Variants in WWC1 observed in about 807,000 individuals in gnomAD.
WWC1 encodes the protein WW and C2 domain containing 1.
Under a neutral mutation model 138.4 loss-of-function variants are expected in WWC1, and 55 were observed. The ratio of observed to expected loss-of-function variants is 0.40; its 90% CI spans 0.32 to 0.50. The LOEUF (loss-of-function observed/expected upper bound fraction) is 0.50. Ranked by LOEUF, WWC1 falls within the 20% of genes least tolerant of loss-of-function variation. The probability of loss-of-function intolerance (pLI) is 0.72; values close to 1 mark genes in which losing one functional copy is unlikely to be tolerated. For missense variants in WWC1, 1,226 were observed against 1,420.4 expected (o/e 0.86, Z 2.20); for synonymous variants, 524 against 564.9 (o/e 0.93, Z 1.03).
At chr5:168,314,444 G>A (rs1022392069) in intron 1 of WWC1, among the ~76,000 whole-genome samples, 9 of 152,088 alleles carry the variant, frequency 5.9e-5, no homozygotes, top group African/African-American at 2.2e-4. Flanking sequence ...GTGCACACCT[G>A]TAATCCCAGC....
chr5:168,465,884 G>A (rs2152896521), intron 21 of WWC1, among the ~76,000 whole-genome samples: 1 of 152,272 alleles, frequency 6.6e-6, no homozygotes, highest in Non-Finnish European at 1.5e-5. Context: ...AGGTTTGCAT[G>A]CAGGGGAAGT....
intron 2 of WWC1, among the ~76,000 whole-genome samples, chr5:168,382,800 T>C (rs1252419313): frequency 6.6e-6 from 1 of 152,356 alleles, no homozygotes; most frequent in East Asian, 1.9e-4. Flanking sequence ...GTAGCCACTG[T>C]AAGCAGTCTT....
In WWC1 at chr5:168,397,753, T is replaced by A; in HGVS notation, c.463T>A (p.Tyr155Asn). Reference sequence around the variant, plus strand: ...CTCTGGTTCATCATCCAGCTCCAAGTATGACCCTGAGATCCTGAAAGCTGA... The same window carrying A: ...CTCTGGTTCATCATCCAGCTCCAAGAATGACCCTGAGATCCTGAAAGCTGA... ...LVSGSSSSSK[Y>N]DPEILKAEIA... Residue 155 changes from tyrosine (Y) to asparagine (N), a missense_variant, in exon 4 of 23, where the codon TAT becomes AAT. Physicochemically the swap from Tyr to Asn is moderately radical, Grantham distance 143. This residue lies in a region of WWC1 where 1,016 missense variants were observed against 1,153.9 expected (regional missense o/e 0.88). Transcript: ENST00000265293. 3 of 1,614,080 alleles carry A rather than the reference T, an allele frequency of 1.9e-6. No homozygotes were observed. The highest frequency in any genetic ancestry group is 2.5e-6 in the Non-Finnish European group (3 of 1,179,952).
chr5:168,364,185 CA>C (rs1379415545), intron 1 of WWC1, among the ~76,000 whole-genome samples: 1 of 152,060 alleles, frequency 6.6e-6, no homozygotes, highest in Non-Finnish European at 1.5e-5. Flanking sequence ...TTACATAACC[CA>C]CCTACAGTTC....
chr5:168,372,022 C>CGAGA (rs10602598), intron 2 of WWC1, among the ~76,000 whole-genome samples: 37 of 145,804 alleles, frequency 2.5e-4, no homozygotes, highest in African/African-American at 8.7e-4. Flanking sequence ...AGTGAATTGG[C>CGAGA]GAGAGAGAGA....
intron 15 of WWC1, among the ~76,000 whole-genome samples, chr5:168,437,807 C>T (rs1353234077): frequency 2.0e-5 from 3 of 152,078 alleles, no homozygotes; most frequent in African/African-American, 4.8e-5. Flanking sequence ...CTGGTCTTTT[C>T]CCCTCATACC....
At chr5:168,440,219 G>C (rs1360322176) in intron 15 of WWC1, among the ~76,000 whole-genome samples, 6 of 152,178 alleles carry the variant, frequency 3.9e-5, no homozygotes, top group Non-Finnish European at 8.8e-5. Context: ...AACATTACTA[G>C]TTATCAGAGC....
intron 9 of WWC1, among the ~76,000 whole-genome samples, chr5:168,421,175 T>A (rs910741876): frequency 5.9e-5 from 9 of 152,116 alleles, no homozygotes; most frequent in Admixed American, 2.6e-4. Context: ...CCCCTTTGAG[T>A]CCACAAGAGT....
chr5:168,446,895 G>A (rs924515096), intron 17 of WWC1, among the ~76,000 whole-genome samples: 1 of 152,256 alleles, frequency 6.6e-6, no homozygotes, highest in African/African-American at 2.4e-5. Flanking sequence ...CAGCCTATGA[G>A]TCTTGCCATT....
Position 168,458,021 on chromosome 5 carries a change from C to A in WWC1, c.2823+2501C>A, listed in dbSNP as rs547357585. On this transcript the variant is annotated intron_variant, in intron 19 of 22. Coordinates refer to ENST00000265293, the MANE Select transcript of WWC1 (RefSeq NM_015238.3). ...CTAGTCCTGTGCCTGCCTCTAGCTG[C>A]AAGGGAGGCAGTAGAAGCAAGGTTC... Among the ~76,000 whole-genome samples the A allele has an allele frequency of 1.6e-3, 245 of 152,296 alleles. 1 individual carries two copies. The highest frequency in any genetic ancestry group is 5.6e-3 in the African/African-American group (232 of 41,568).
intron 9 of WWC1, among the ~76,000 whole-genome samples, chr5:168,419,906 G>C (rs1372458481): frequency 6.6e-6 from 1 of 152,214 alleles, no homozygotes; most frequent in Admixed American, 6.5e-5. Context: ...ACAAGGATTT[G>C]TCTCCAGGGA....
Position 168,460,639 on chromosome 5 carries a change from T to A in WWC1, c.2824-11T>A, listed in dbSNP as rs199870495. The A allele has an allele frequency of 2.9e-4, 469 of 1,613,606 alleles. No individual in the cohort carries two copies. The highest frequency in any genetic ancestry group is 3.7e-4 in the Non-Finnish European group (439 of 1,179,702). ...GACCATGTTTAAGATTCCATGACTT[T>A]TCTCTTGCAGCTGAATCGGAGTGAT... On this transcript the variant is annotated splice_polypyrimidine_tract_variant and intron_variant, in intron 19 of 22. Coordinates refer to ENST00000265293, the MANE Select transcript of WWC1 (RefSeq NM_015238.3).
At chr5:168,389,777 C>T (rs1778347717) in intron 3 of WWC1, among the ~76,000 whole-genome samples, 1 of 152,070 alleles carries the variant, frequency 6.6e-6, no homozygotes, top group East Asian at 1.9e-4. Context: ...GCACCATTAA[C>T]ATTTCAGTCT....
In WWC1 at chr5:168,465,547, G is replaced by GTTT. The variant is rs1757198488; in HGVS notation, c.3150+585_3150+586insTTT. On this transcript the variant is annotated intron_variant, in intron 21 of 22. Coordinates refer to ENST00000265293, the MANE Select transcript of WWC1 (RefSeq NM_015238.3). ...GCACACAAAGTTTTATATCAGCTGG[G>GTTT]CTTTTTTTTTTTTTTTTTTTTTTTT... Among the ~76,000 whole-genome samples, 2 of 20,408 alleles carry GTTT rather than the reference G, an allele frequency of 9.8e-5. 1 individual carries two copies. Among genetic ancestry groups the GTTT allele is most frequent in the African/African-American group, 8.0e-4 (2 of 2,488 alleles). 13.4% of individuals were successfully genotyped at this position (20,408 alleles called of 152,430 possible).
chr5:168,338,977 TC>T (rs1773743899), intron 1 of WWC1, among the ~76,000 whole-genome samples: 1 of 152,180 alleles, frequency 6.6e-6, no homozygotes, highest in Non-Finnish European at 1.5e-5. Flanking sequence ...TATTGAATGT[TC>T]CCAACACAAA....
At chr5:168,375,240 A>G (rs1777074973) in intron 2 of WWC1, among the ~76,000 whole-genome samples, 2 of 152,168 alleles carry the variant, frequency 1.3e-5, no homozygotes, top group Non-Finnish European at 2.9e-5. Flanking sequence ...ATGGGTCTCC[A>G]GACAACAGAG....
intron 1 of WWC1, among the ~76,000 whole-genome samples, chr5:168,360,530 C>T (rs778915242): frequency 4.6e-5 from 7 of 152,162 alleles, no homozygotes; most frequent in Non-Finnish European, 7.3e-5. Context: ...CTGCCCTGAC[C>T]TTTGGGACAG....
chr5:168,399,696 T>C (rs1376321429), intron 5 of WWC1, 129 bp downstream of exon 5: 1 of 926,632 alleles, frequency 1.1e-6, no homozygotes, highest in Admixed American at 2.3e-5. Context: ...ATCATTCAAT[T>C]CAAGTTCTGT....
chr5:168,394,345 G>C (rs1402473864), intron 3 of WWC1, among the ~76,000 whole-genome samples: 2 of 152,208 alleles, frequency 1.3e-5, no homozygotes, highest in Non-Finnish European at 2.9e-5. Flanking sequence ...GTTAAACTGT[G>C]TTCATATATA....
Sources: gnomAD v4.1 joint callset for allele counts (sites outside exome capture counted in the v4.1 genomes callset) on GRCh38, gnomAD v4.1.1 for gene constraint, gnomAD v4.1.1 regional missense constraint, MANE v1.5 for transcripts, NCBI Gene and HGNC (gene_info 2026-07-23, HGNC 2026-07-21) for gene names.